Variants in MYOCD observed in about 807,000 individuals in gnomAD.
MYOCD encodes myocardin.
A neutral mutation model predicts 96.1 loss-of-function variants in MYOCD; 32 were observed. The ratio of observed to expected loss-of-function variants is 0.33; its 90% confidence interval spans 0.25 to 0.45. MYOCD has a LOEUF of 0.45. Ranked by LOEUF, MYOCD falls within the 20% of genes least tolerant of loss-of-function variation. The pLI, the probability that MYOCD is intolerant of heterozygous loss-of-function variation, is 1.00. For missense variants in MYOCD, 1,133 were observed against 1,200.6 expected, an observed-to-expected ratio of 0.94 and a Z score of 0.83; for synonymous variants, 469 against 469.0, an observed-to-expected ratio of 1.00 and a Z score of 0.00.
At chr17:12,703,379 C>A (rs1275055879) in intron 1 of MYOCD, among the ~76,000 whole-genome samples, 1 of 151,936 alleles carries the variant, frequency 6.6e-6, no homozygotes, top group Non-Finnish European at 1.5e-5. Context: ...TGAATCTGTA[C>A]ATTTTTTTTC....
chr17:12,669,688 G>A (rs1490342483), intron 1 of MYOCD, among the ~76,000 whole-genome samples: 15 of 151,772 alleles, frequency 9.9e-5, no homozygotes, highest in East Asian at 9.7e-4. Context: ...TCACGATCTC[G>A]GCTCACTGCA....
intron 1 of MYOCD, among the ~76,000 whole-genome samples, chr17:12,694,223 A>G (rs1016146696): frequency 7.2e-5 from 11 of 152,212 alleles, no homozygotes; most frequent in Non-Finnish European, 1.5e-4. Context: ...GAAAGCAGGG[A>G]AGGGAAGGGA....
At chr17:12,718,894 C>T (rs1449681581) in intron 4 of MYOCD, among the ~76,000 whole-genome samples, 1 of 152,160 alleles carries the variant, frequency 6.6e-6, no homozygotes, top group Non-Finnish European at 1.5e-5. Context: ...ACCTTTCAGG[C>T]CGGGTGTGGT....
At chr17:12,694,042 GTGAA>G (rs1341585627) in intron 1 of MYOCD, among the ~76,000 whole-genome samples, 1 of 152,140 alleles carries the variant, frequency 6.6e-6, no homozygotes, top group Non-Finnish European at 1.5e-5. Flanking sequence ...CCCCAAAAAG[GTGAA>G]TGAAGAGAAA....
intron 9 of MYOCD, among the ~76,000 whole-genome samples, chr17:12,746,767 C>T (rs1196576232): frequency 8.0e-6 from 1 of 125,566 alleles, no homozygotes; most frequent in African/African-American, 3.0e-5. Flanking sequence ...CTTGCTCTGT[C>T]ATCCAGGCTG....
At chr17:12,727,451 C>T (rs554413132) in intron 5 of MYOCD, among the ~76,000 whole-genome samples, 1 of 152,278 alleles carries the variant, frequency 6.6e-6, no homozygotes, top group African/African-American at 2.4e-5. Context: ...GAAGGTGACC[C>T]AGCTCACTAT....
intron 1 of MYOCD, 94 bp from the exon 2 acceptor site, chr17:12,705,034 A>G: frequency 1.3e-6 from 1 of 772,644 alleles, no homozygotes; most frequent in Non-Finnish European, 2.1e-6. Context: ...ACTCTTTTAG[A>G]AATAAAATGA....
At position 12,768,942 on chromosome 17, in the gene MYOCD, A is replaced by G. The variant is rs1265037754; in HGVS notation, c.*5298A>G. Reference sequence around the variant, plus strand: ...ATTTTTAAATAAAATGTTTATTTTAAAAAGAAATGTAAAACTTTTTTTTTT... The same window carrying G: ...ATTTTTAAATAAAATGTTTATTTTAGAAAGAAATGTAAAACTTTTTTTTTT... On this transcript the variant is annotated 3_prime_UTR_variant, in exon 14 of 14. Transcript: ENST00000425538. 1 of 151,992 alleles carries G rather than the reference A, an allele frequency of 6.6e-6. No individual in the cohort carries two copies. The highest frequency in any genetic ancestry group is 1.5e-5 in the Non-Finnish European group (1 of 67,996). 9.4% of individuals were successfully genotyped at this position (151,992 alleles called of 1,614,324 possible). A position where few individuals can be genotyped will look rare whatever the true frequency, so the allele number is the denominator to read the frequency against.
intron 9 of MYOCD, among the ~76,000 whole-genome samples, chr17:12,750,611 C>T (rs1359962445): frequency 6.6e-6 from 1 of 152,066 alleles, no homozygotes; most frequent in Non-Finnish European, 1.5e-5. Flanking sequence ...ATTGCTTGAA[C>T]CCGGGAGGTG....
At chr17:12,669,775 C>T (rs1031294739) in intron 1 of MYOCD, among the ~76,000 whole-genome samples, 10 of 152,026 alleles carry the variant, frequency 6.6e-5, no homozygotes, top group Admixed American at 1.3e-4. Flanking sequence ...CCCGCTACCA[C>T]GCCCGGCTAA....
intron 5 of MYOCD, among the ~76,000 whole-genome samples, chr17:12,725,851 C>A (rs1463624703): frequency 6.6e-6 from 1 of 151,932 alleles, no homozygotes; most frequent in Admixed American, 6.6e-5. Context: ...CTATTCCTAT[C>A]CCACTAAGAG....
chr17:12,680,159 A>G (rs1272402213), intron 1 of MYOCD, among the ~76,000 whole-genome samples: 1 of 152,204 alleles, frequency 6.6e-6, no homozygotes, highest in Admixed American at 6.5e-5. Context: ...TCTTAATTTT[A>G]GAAGAACTTC....
Position 12,758,274 on chromosome 17 carries a change from G to C in MYOCD, c.2331+61G>C, listed in dbSNP as rs193096194. On this transcript the variant is annotated intron_variant, in intron 12 of 13. Coordinates refer to ENST00000425538, the MANE Select transcript of MYOCD (RefSeq NM_001146312.3). ...CTGACTCAATGAACAGACATTGTTT[G>C]ATATGATTAAACTTCACGCAGTTTG... 881 of 1,608,320 alleles carry C rather than the reference G, an allele frequency of 5.5e-4. 2 individuals carry two copies. The African/African-American group carries it at 1.0e-2, about 18-fold the overall frequency.
At chr17:12,718,979 G>T (rs1189125443) in intron 4 of MYOCD, among the ~76,000 whole-genome samples, 1 of 151,650 alleles carries the variant, frequency 6.6e-6, no homozygotes, top group African/African-American at 2.4e-5. Flanking sequence ...TTCAAGACCA[G>T]CCTGGCTAAC....
At chr17:12,689,758 G>A (rs2030349796) in intron 1 of MYOCD, among the ~76,000 whole-genome samples, 1 of 151,466 alleles carries the variant, frequency 6.6e-6, no homozygotes, top group African/African-American at 2.4e-5. Context: ...TTGAACCTGG[G>A]AGGCAAAGGT....
chr17:12,728,910 G>C (rs1468953149), intron 5 of MYOCD, among the ~76,000 whole-genome samples: 1 of 152,186 alleles, frequency 6.6e-6, no homozygotes, highest in Non-Finnish European at 1.5e-5. Context: ...TGGTCCAGAA[G>C]TCACCCATTT....
At chr17:12,716,140 G>A (rs1216766088) in intron 3 of MYOCD, among the ~76,000 whole-genome samples, 2 of 152,154 alleles carry the variant, frequency 1.3e-5, no homozygotes, top group Admixed American at 6.5e-5. Flanking sequence ...TATTTAGCAA[G>A]TATCAACACT....
chr17:12,707,303 A>G (rs2031322784), intron 2 of MYOCD, among the ~76,000 whole-genome samples: 1 of 152,212 alleles, frequency 6.6e-6, no homozygotes, highest in Non-Finnish European at 1.5e-5. Context: ...ATTTTATTAT[A>G]AACCAGGCTA....
chr17:12,716,530 G>T (rs894709661), intron 3 of MYOCD, among the ~76,000 whole-genome samples: 1 of 152,180 alleles, frequency 6.6e-6, no homozygotes, highest in African/African-American at 2.4e-5. Flanking sequence ...TGCCCATCCA[G>T]TTCCTGGTGG....
Sources: allele counts gnomAD v4.1 joint callset (sites outside exome capture counted in the v4.1 genomes callset), GRCh38; gene constraint gnomAD v4.1.1; transcripts MANE v1.5; gene names NCBI Gene and HGNC (gene_info 2026-07-23, HGNC 2026-07-21).